Variants in SUMF1 observed in about 807,000 individuals in gnomAD.
SUMF1 encodes formylglycine-generating enzyme.
In SUMF1, 48 loss-of-function variants were observed where a neutral mutation model predicts 47.6. The ratio of observed to expected loss-of-function variants is 1.01; its 90% CI spans 0.80 to 1.28. SUMF1 has a LOEUF of 1.28. Among genes scored for constraint, SUMF1 ranks in the 50% most tolerant of loss-of-function variants. SUMF1 has a pLI of 0.00. For synonymous variants in SUMF1, 230 were observed against 192.1 expected, an observed-to-expected ratio of 1.20 and a Z score of -1.63; for missense variants, 571 against 485.4, an observed-to-expected ratio of 1.18 and a Z score of -1.66.
intron 8 of SUMF1, among the ~76,000 whole-genome samples, chr3:4,224,571 C>G (rs558667969): frequency 6.6e-6 from 1 of 151,986 alleles, no homozygotes. Context: ...ACAACTAGCA[C>G]AGCAAGGGGG....
In SUMF1 at chr3:4,362,021, G is replaced by A; in HGVS notation, c.*123C>T. ...CACAAGGCGGTTCCTTTGGCCATTGGGCAGGTATGTAACCCACCTCAGGGT... is the reference window on the plus strand; with the variant it reads ...CACAAGGCGGTTCCTTTGGCCATTGAGCAGGTATGTAACCCACCTCAGGGT... On this transcript the variant is annotated 3_prime_UTR_variant, in exon 9 of 9. Coordinates refer to ENST00000272902, the MANE Select transcript of SUMF1 (RefSeq NM_182760.4). 1.1e-6 allele frequency: 1 copy of A among 912,682 alleles called. No homozygotes were observed. The highest frequency in any genetic ancestry group is 1.7e-6 in the Non-Finnish European group (1 of 575,690). 56.5% of individuals were successfully genotyped at this position (912,682 alleles called of 1,614,324 possible). A position where few individuals can be genotyped will look rare whatever the true frequency, so the allele number is the denominator to read the frequency against.
At chr3:4,270,879 A>G (rs1697288997) in intron 8 of SUMF1, among the ~76,000 whole-genome samples, 1 of 152,220 alleles carries the variant, frequency 6.6e-6, no homozygotes, top group African/African-American at 2.4e-5. Context: ...TTCACCCAGG[A>G]GAAGAGTTTT....
At chr3:4,455,590 G>A (rs971448167) in intron 1 of SUMF1, among the ~76,000 whole-genome samples, 5 of 152,098 alleles carry the variant, frequency 3.3e-5, no homozygotes, top group Admixed American at 2.0e-4. Flanking sequence ...TGTGGCACAC[G>A]CCTGTAATCC....
intron 9 of SUMF1, among the ~76,000 whole-genome samples, chr3:4,055,044 C>T (rs1486383528): frequency 6.6e-6 from 1 of 152,142 alleles, no homozygotes; most frequent in Non-Finnish European, 1.5e-5. Flanking sequence ...GATGACTTCG[C>T]TAGTTCACGT....
chr3:4,098,978 T>A (rs1045674409), intron 8 of SUMF1, among the ~76,000 whole-genome samples: 3 of 152,052 alleles, frequency 2.0e-5, no homozygotes, highest in African/African-American at 7.3e-5. Flanking sequence ...CCTCAGAAAA[T>A]AGATTTTCTT....
At chr3:4,208,966 G>C (rs923615661) in intron 8 of SUMF1, among the ~76,000 whole-genome samples, 6 of 151,916 alleles carry the variant, frequency 3.9e-5, no homozygotes, top group African/African-American at 1.5e-4. Flanking sequence ...TAGTTTTCTT[G>C]TGATGTCTTT....
chr3:4,168,052 G>T (rs1694751319), intron 8 of SUMF1, among the ~76,000 whole-genome samples: 1 of 152,030 alleles, frequency 6.6e-6, no homozygotes, highest in South Asian at 2.1e-4. Flanking sequence ...AAACTCCCTT[G>T]GGCACTTGGC....
At chr3:4,216,293 A>T (rs1324443942) in intron 8 of SUMF1, among the ~76,000 whole-genome samples, 1 of 152,138 alleles carries the variant, frequency 6.6e-6, no homozygotes, top group East Asian at 1.9e-4. Flanking sequence ...AATGGGGAAA[A>T]GATTCCCTAT....
chr3:4,332,461 G>C (rs1007696398), intron 8 of SUMF1, among the ~76,000 whole-genome samples: 1 of 152,194 alleles, frequency 6.6e-6, no homozygotes, highest in African/African-American at 2.4e-5. Flanking sequence ...AACCAAAGGG[G>C]TTTTAAAGGG....
intron 8 of SUMF1, among the ~76,000 whole-genome samples, chr3:4,271,104 G>T (rs1191800530): frequency 6.6e-6 from 1 of 152,144 alleles, no homozygotes; most frequent in Non-Finnish European, 1.5e-5. Context: ...GTCACTGAAA[G>T]TGCTATAGTC....
At chr3:4,201,980 A>G (rs1297122477) in intron 8 of SUMF1, among the ~76,000 whole-genome samples, 1 of 151,700 alleles carries the variant, frequency 6.6e-6, no homozygotes, top group Admixed American at 6.6e-5. Context: ...GAGTTGTTTC[A>G]GCTCCTTACA....
At chr3:4,245,044 G>C (rs1344296078) in intron 8 of SUMF1, among the ~76,000 whole-genome samples, 3 of 151,848 alleles carry the variant, frequency 2.0e-5, no homozygotes. Context: ...ACTGAAGCTT[G>C]TGTATGCTTC....
At chr3:4,241,986 G>A (rs1412896070) in intron 8 of SUMF1, among the ~76,000 whole-genome samples, 1 of 152,142 alleles carries the variant, frequency 6.6e-6, no homozygotes, top group Admixed American at 6.6e-5. Context: ...CTGGCACCAT[G>A]TAGTCCGTTC....
chr3:4,217,561 AAC>A (rs1695962098), intron 8 of SUMF1, among the ~76,000 whole-genome samples: 1 of 113,728 alleles, frequency 8.8e-6, no homozygotes, highest in Non-Finnish European at 1.7e-5. Context: ...AAACTAGACT[AAC>A]TGTGACACCT....
At chr3:4,051,105 T>C (rs545744460) in intron 9 of SUMF1, among the ~76,000 whole-genome samples, 3 of 148,006 alleles carry the variant, frequency 2.0e-5, no homozygotes, top group Non-Finnish European at 4.5e-5. Context: ...GGGCTAAATA[T>C]ACTACATTCT....
intron 8 of SUMF1, among the ~76,000 whole-genome samples, chr3:4,108,608 C>T (rs193243066): frequency 0.015 from 2,325 of 152,068 alleles, 37 homozygotes; most frequent in Non-Finnish European, 0.024. Context: ...TGGGTGCTCC[C>T]ATATTGGGTG....
intron 8 of SUMF1, among the ~76,000 whole-genome samples, chr3:4,246,980 A>G (rs976339135): frequency 1.3e-5 from 2 of 152,198 alleles, no homozygotes; most frequent in African/African-American, 4.8e-5. Context: ...CCTAGAAACT[A>G]CGCAGCTTTA....
intron 8 of SUMF1, among the ~76,000 whole-genome samples, chr3:4,223,598 C>G (rs2125177226): frequency 6.6e-6 from 1 of 152,104 alleles, no homozygotes; most frequent in East Asian, 1.9e-4. Context: ...TCAGGTTGCT[C>G]TTGTTCCCTA....
intron 6 of SUMF1, among the ~76,000 whole-genome samples, chr3:4,415,118 T>G (rs576248188): frequency 9.5e-5 from 14 of 147,950 alleles, no homozygotes; most frequent in South Asian, 2.1e-4. Flanking sequence ...TCCTAGCTAC[T>G]AAGGAGGCTG....
Sources: gnomAD v4.1 joint callset for allele counts (sites outside exome capture counted in the v4.1 genomes callset) on GRCh38, gnomAD v4.1.1 for gene constraint, MANE v1.5 for transcripts, NCBI Gene and HGNC (gene_info 2026-07-23, HGNC 2026-07-21) for gene names.